The following SETX variants were observed in gnomAD, a reference collection of about 807,000 sequenced individuals.
The protein encoded by SETX is helicase senataxin.
SETX carries 90 observed loss-of-function variants against 227.2 expected under a neutral mutation model. The ratio of observed to expected loss-of-function variants is 0.40; its 90% CI spans 0.33 to 0.47. The LOEUF (loss-of-function observed/expected upper bound fraction) is 0.47. Among genes scored for constraint, SETX ranks in the 20% least tolerant of loss-of-function variants. The pLI is 0.91. For synonymous variants in SETX, 1,210 were observed against 1,113.2 expected (o/e 1.09, Z -1.73); for missense variants, 3,052 against 3,181.5 (o/e 0.96, Z 0.98).
At chr9:132,320,012 G>A (rs1298697492) in intron 10 of SETX, among the ~76,000 whole-genome samples, 1 of 152,042 alleles carries the variant, frequency 6.6e-6, no homozygotes, top group Non-Finnish European at 1.5e-5. Context: ...ACAACTGACT[G>A]CAAAAAATTG....
At position 132,265,117 on chromosome 9, in the gene SETX, C is replaced by T. The variant is rs925720333; in HGVS notation, c.7288-132G>A. ...GAACATATTCTCAAGATTCATTACT[C>T]GTCAGACAAGGATGAAAGGAAAAAA... On this transcript the variant is annotated intron_variant, in intron 25 of 25. Coordinates refer to ENST00000224140, the MANE Select transcript of SETX (RefSeq NM_015046.7). 35 of 1,108,804 alleles carry T rather than the reference C, an allele frequency of 3.2e-5. No individual in the cohort carries two copies. The Middle Eastern group carries it at 1.0e-3, about 32-fold the overall frequency. The allele number at this position is 1,108,804 out of a possible 1,614,324, so 68.7% of individuals were successfully genotyped here. A position where few individuals can be genotyped will look rare whatever the true frequency, so the allele number is the denominator to read the frequency against.
intron 1 of SETX, among the ~76,000 whole-genome samples, chr9:132,354,540 A>G (rs1366201873): frequency 6.7e-6 from 1 of 150,142 alleles, no homozygotes; most frequent in Non-Finnish European, 1.5e-5. Context: ...AAAGGGAGGG[A>G]CTCCAGGCGA....
chr9:132,338,360 G>A (rs1847763190), intron 5 of SETX, among the ~76,000 whole-genome samples: 1 of 151,990 alleles, frequency 6.6e-6, no homozygotes, highest in African/African-American at 2.4e-5. Flanking sequence ...CATAGTGCTG[G>A]GATTACAGGC....
In SETX at chr9:132,328,523, T is replaced by TTCATCA. The variant is rs572772837; in HGVS notation, c.3069_3074dup (p.Asp1023_Asp1024dup). Reference sequence around the variant, plus strand: ...TGAGTTTCTCAAGACTCAGGATTCTTTCATCATCATCATCATCAGAATCTG... The same window carrying TTCATCA: ...TGAGTTTCTCAAGACTCAGGATTCTTTCATCATCATCATCATCATCATCAGAATCTG... On this transcript the variant is annotated inframe_insertion, in exon 10 of 26. Transcript: ENST00000224140. 1 of 1,613,958 alleles carries TTCATCA rather than the reference T, an allele frequency of 6.2e-7. No individual in the cohort carries two copies. Among genetic ancestry groups the TTCATCA allele is most frequent in the South Asian group, 1.1e-5 (1 of 91,074 alleles).
intron 5 of SETX, among the ~76,000 whole-genome samples, chr9:132,342,325 A>G (rs1225973352): frequency 6.6e-6 from 1 of 152,102 alleles, no homozygotes; most frequent in Admixed American, 6.6e-5. Flanking sequence ...TTTAATTCTA[A>G]TCTATCAGCA....
At chr9:132,291,159 C>CTTTTTTT (rs139976052) in intron 15 of SETX, among the ~76,000 whole-genome samples, 21 of 83,814 alleles carry the variant, frequency 2.5e-4, no homozygotes, top group African/African-American at 3.7e-4. Context: ...GTTTGAAAAC[C>CTTTTTTT]TTTTTTTTTT....
rs1842420827 is a variant in SETX, at chr9:132,261,731, C to G, written c.*2508G>C. The stretch of plus-strand genomic sequence containing the variant: ...TGTCAAATTTACTCCTGATAATTCA[C>G]AAAAACATACAACTCAACAAACTGT... On this transcript the variant is annotated 3_prime_UTR_variant, in exon 26 of 26. Coordinates refer to ENST00000224140, the MANE Select transcript of SETX (RefSeq NM_015046.7). 1 of 154,408 alleles carries G rather than the reference C, an allele frequency of 6.5e-6. No individual in the cohort carries two copies. Among genetic ancestry groups the G allele is most frequent in the Non-Finnish European group, 1.5e-5 (1 of 68,214 alleles). 9.6% of individuals were successfully genotyped at this position (154,408 alleles called of 1,614,324 possible). A position where few individuals can be genotyped will look rare whatever the true frequency, so the allele number is the denominator to read the frequency against.
chr9:132,334,010 G>T lies in SETX; in HGVS notation c.838+598C>A, dbSNP rs563599121. 6.6e-5 allele frequency among the ~76,000 whole-genome samples: 10 copies of T among 151,914 alleles called. No homozygotes were observed. The East Asian group carries it at 1.9e-3, about 29-fold the overall frequency. ...CAAAGGGAGGCCATGGGACAGAGAA[G>T]GCTTACCCCACAATGTTAACCACAA... On this transcript the variant is annotated intron_variant, in intron 7 of 25. Coordinates refer to ENST00000224140, the MANE Select transcript of SETX (RefSeq NM_015046.7).
At chr9:132,267,086 C>T (rs1196707989) in intron 25 of SETX, among the ~76,000 whole-genome samples, 1 of 152,170 alleles carries the variant, frequency 6.6e-6, no homozygotes, top group Non-Finnish European at 1.5e-5. Context: ...GAAAATAAGG[C>T]ACTGTGTCAT....
rs190831387 is a variant in SETX, at chr9:132,313,352, T to C, written c.5275-1496A>G. The stretch of plus-strand genomic sequence containing the variant: ...CTGAGAGTACCTAGAAGATCCTAGA[T>C]AGTTCCCATCTTGGAAAAAGGAGGG... On this transcript the variant is annotated intron_variant, in intron 10 of 25. Coordinates refer to ENST00000224140, the MANE Select transcript of SETX (RefSeq NM_015046.7). Among the ~76,000 whole-genome samples, 15 of 152,276 alleles carry C rather than the reference T, an allele frequency of 9.9e-5. No individual in the cohort carries two copies. In the East Asian group the frequency reaches 2.1e-3, roughly 22 times the overall value.
chr9:132,291,699 G>A (rs1844319971), intron 15 of SETX, among the ~76,000 whole-genome samples: 2 of 152,148 alleles, frequency 1.3e-5, no homozygotes, highest in African/African-American at 2.4e-5. Flanking sequence ...AGGGAGCAAG[G>A]CTGGGCAGTG....
In SETX at chr9:132,354,935, G is replaced by C. The variant is rs1460369950; in HGVS notation, c.-133C>G. 6.6e-6 allele frequency: 1 copy of C among 152,384 alleles called. No homozygotes were observed. The highest frequency in any genetic ancestry group is 1.5e-5 in the Non-Finnish European group (1 of 68,190). 9.4% of individuals were successfully genotyped at this position (152,384 alleles called of 1,614,324 possible). A position where few individuals can be genotyped will look rare whatever the true frequency, so the allele number is the denominator to read the frequency against. On this transcript the variant is annotated 5_prime_UTR_variant, in exon 1 of 26. Transcript: ENST00000224140. ...CCCTCACCGCTCTCTGGCTGGCGTCGGCCTCTAGCCCACCTCCATACCGGG... is the reference window on the plus strand; with the variant it reads ...CCCTCACCGCTCTCTGGCTGGCGTCCGCCTCTAGCCCACCTCCATACCGGG...
rs752863416 is a variant in SETX, at chr9:132,283,348, C to T, written c.6462G>A (p.Thr2154=). The change falls in exon 19 of 26, where the codon ACG becomes ACA. Residue 2154 remains threonine, a synonymous_variant. Transcript: ENST00000224140. The part of the protein sequence containing the change: ...IILESHIICC[T]LSTSGGLLLE... ...GTAGTAAACCACCACTTGTGCTCAACGTGCAGCAGATGATATGGGACTCTA... is the reference window on the plus strand; with the variant it reads ...GTAGTAAACCACCACTTGTGCTCAATGTGCAGCAGATGATATGGGACTCTA... The T allele has an allele frequency of 6.2e-6, 10 of 1,614,170 alleles. No individual in the cohort carries two copies. Among genetic ancestry groups the T allele is most frequent in the Middle Eastern group, 1.6e-4 (1 of 6,062 alleles).
intron 10 of SETX, among the ~76,000 whole-genome samples, chr9:132,318,720 G>T (rs1846148897): frequency 6.6e-6 from 1 of 152,026 alleles, no homozygotes; most frequent in African/African-American, 2.4e-5. Flanking sequence ...CAGGAGCTGG[G>T]ATACAATGCC....
chr9:132,299,876 C>T lies in SETX; in HGVS notation c.5548+754G>A, dbSNP rs1021774302. Among the ~76,000 whole-genome samples the T allele has an allele frequency of 2.0e-5, 3 of 151,582 alleles. No individual in the cohort carries two copies. The South Asian group carries it at 6.3e-4, about 32-fold the overall frequency. Reference sequence around the variant, plus strand: ...GACAAGTCTCGGCTGGGCGCGGTGGCTCACGCCTGTAATCCCAGCACTTTG... The same window carrying T: ...GACAAGTCTCGGCTGGGCGCGGTGGTTCACGCCTGTAATCCCAGCACTTTG... On this transcript the variant is annotated intron_variant, in intron 12 of 25. Coordinates refer to ENST00000224140, the MANE Select transcript of SETX (RefSeq NM_015046.7).
At position 132,298,223 on chromosome 9, in the gene SETX, T is replaced by C. The variant is rs1032826023; in HGVS notation, c.5638A>G (p.Ile1880Val). 2.5e-6 allele frequency: 4 copies of C among 1,613,966 alleles called. No individual in the cohort carries two copies. In the African/African-American group the frequency reaches 4.0e-5, roughly 16 times the overall value. The part of the protein sequence containing the change: ...NLNELVNCIV[I>V]SSLVTTQRKL... ...CTTTGTGTAGTTACCAGAGAACTGA[T>C]TACAATACAATTCACAAGTTCGTTT... Residue 1880 changes from isoleucine (I) to valine (V), a missense_variant, in exon 13 of 26, where the codon ATC becomes GTC. Coordinates refer to ENST00000224140, the MANE Select transcript of SETX (RefSeq NM_015046.7).
intron 25 of SETX, among the ~76,000 whole-genome samples, chr9:132,265,611 A>G (rs992108639): frequency 2.0e-5 from 3 of 152,160 alleles, no homozygotes; most frequent in African/African-American, 2.4e-5. Flanking sequence ...TTATATTTCA[A>G]TAAATTAAAA....
intron 19 of SETX, among the ~76,000 whole-genome samples, chr9:132,281,804 C>A (rs573282747): frequency 1.3e-5 from 2 of 151,974 alleles, no homozygotes; most frequent in Non-Finnish European, 2.9e-5. Context: ...TTTGGGAGGC[C>A]GAGGTGGGTG....
chr9:132,351,539 G>C (rs575171681), intron 2 of SETX, among the ~76,000 whole-genome samples: 1 of 152,256 alleles, frequency 6.6e-6, no homozygotes, highest in Admixed American at 6.5e-5. Flanking sequence ...ACCAAAATAG[G>C]TGAGTGTCAT....
Sources: gnomAD v4.1 joint callset for allele counts (sites outside exome capture counted in the v4.1 genomes callset) on GRCh38, gnomAD v4.1.1 for gene constraint, MANE v1.5 for transcripts, NCBI Gene and HGNC (gene_info 2026-07-23, HGNC 2026-07-21) for gene names.